The following SAMTOR variants were observed in gnomAD, a reference collection of about 807,000 sequenced individuals.
SAMTOR encodes the protein S-adenosylmethionine sensor upstream of mTORC1, also known as UPF0532 protein C7orf60.
At chr7:112,860,540 C>T in the SAMTOR span, among the ~76,000 whole-genome samples, 3 of 152,220 alleles carry the variant, frequency 2.0e-5, no homozygotes, top group African/African-American at 7.2e-5. Context: ...TAAACTAAGT[C>T]TCACAAAGGA....
chr7:112,887,918 A>G, the SAMTOR span, among the ~76,000 whole-genome samples: 1 of 151,336 alleles, frequency 6.6e-6, no homozygotes, highest in African/African-American at 2.4e-5. Context: ...GATTTTCTCT[A>G]TTGTTTTTCT....
the SAMTOR span, among the ~76,000 whole-genome samples, chr7:112,917,955 A>G: frequency 6.6e-6 from 1 of 152,352 alleles, no homozygotes; most frequent in East Asian, 1.9e-4. Flanking sequence ...ATGTGAAAAG[A>G]CCAAATCTAT....
chr7:112,932,068 G>C, the SAMTOR span, among the ~76,000 whole-genome samples: 1 of 151,948 alleles, frequency 6.6e-6, no homozygotes. Flanking sequence ...TGGGACTACA[G>C]GCACATGCCA....
the SAMTOR span, among the ~76,000 whole-genome samples, chr7:112,862,984 A>G: frequency 1.3e-5 from 2 of 152,006 alleles, no homozygotes; most frequent in African/African-American, 4.8e-5. Context: ...CTCAGCCACT[A>G]TGACAGCTGA....
the SAMTOR span, among the ~76,000 whole-genome samples, chr7:112,904,103 G>A: frequency 6.6e-6 from 1 of 152,050 alleles, no homozygotes; most frequent in Non-Finnish European, 1.5e-5. Context: ...TGAGATGTAT[G>A]GAGAAACAGA....
chr7:112,847,700 C>T, the SAMTOR span, among the ~76,000 whole-genome samples: 4 of 152,110 alleles, frequency 2.6e-5, no homozygotes, highest in East Asian at 1.9e-4. Flanking sequence ...ATTGCTTGAA[C>T]GCGGGAGGCG....
At chr7:112,850,221 A>C in the SAMTOR span, among the ~76,000 whole-genome samples, 12 of 152,004 alleles carry the variant, frequency 7.9e-5, no homozygotes, top group African/African-American at 1.7e-4. Flanking sequence ...ACAACAACAA[A>C]AAAAACCATC....
At chr7:112,897,050 G>A in the SAMTOR span, among the ~76,000 whole-genome samples, 1 of 152,092 alleles carries the variant, frequency 6.6e-6, no homozygotes, top group African/African-American at 2.4e-5. Context: ...AAAGAGGAAG[G>A]AGAGCCAAGG....
chr7:112,883,095 T>C, the SAMTOR span, among the ~76,000 whole-genome samples: 6 of 152,210 alleles, frequency 3.9e-5, no homozygotes, highest in African/African-American at 1.4e-4. Flanking sequence ...ATATGTCCAA[T>C]ATTTTATATC....
chr7:112,836,906 G>T, the SAMTOR span, among the ~76,000 whole-genome samples: 3 of 152,076 alleles, frequency 2.0e-5, no homozygotes, highest in African/African-American at 4.8e-5. Context: ...TTTTTGCTTA[G>T]AATTGCCTTG....
At chr7:112,900,552 A>T in the SAMTOR span, among the ~76,000 whole-genome samples, 1 of 152,242 alleles carries the variant, frequency 6.6e-6, no homozygotes, top group South Asian at 2.1e-4. Flanking sequence ...AGTTGTGAAT[A>T]ATATTCCATA....
the SAMTOR span, among the ~76,000 whole-genome samples, chr7:112,917,507 G>A: frequency 9.9e-5 from 15 of 152,266 alleles, no homozygotes; most frequent in African/African-American, 1.9e-4. Flanking sequence ...AAAAAACAGA[G>A]CAGAAAAACT....
the SAMTOR span, among the ~76,000 whole-genome samples, chr7:112,932,603 T>C: frequency 6.6e-6 from 1 of 152,162 alleles, no homozygotes; most frequent in African/African-American, 2.4e-5. Flanking sequence ...AAGGCAGAGT[T>C]TTACTCAAGA....
At chr7:112,887,207 T>C in the SAMTOR span, among the ~76,000 whole-genome samples, 1 of 151,012 alleles carries the variant, frequency 6.6e-6, no homozygotes, top group Non-Finnish European at 1.5e-5. Context: ...TAAGATCATA[T>C]TATTCGTTTT....
the SAMTOR span, among the ~76,000 whole-genome samples, chr7:112,887,085 G>A: frequency 6.6e-6 from 1 of 151,968 alleles, no homozygotes; most frequent in African/African-American, 2.4e-5. Flanking sequence ...AGAATTGCTT[G>A]AACCAGGACC....
At chr7:112,886,785 A>G in the SAMTOR span, among the ~76,000 whole-genome samples, 149,178 of 152,288 alleles carry the variant, frequency 0.98, 73,125 homozygotes, top group East Asian at 1. Context: ...CCCTGCCCCC[A>G]CACAGAGGCA....
the SAMTOR span, among the ~76,000 whole-genome samples, chr7:112,850,819 A>G: frequency 1.3e-5 from 2 of 152,192 alleles, no homozygotes; most frequent in Non-Finnish European, 2.9e-5. Flanking sequence ...TAATCCAGCT[A>G]GCAGTCTATC....
chr7:112,821,866 C>T, the SAMTOR span: 1 of 1,613,566 alleles, frequency 6.2e-7, no homozygotes, highest in Non-Finnish European at 8.5e-7. Context: ...GCTAGTTGTT[C>T]ATCTTCTATA....
the SAMTOR span, among the ~76,000 whole-genome samples, chr7:112,854,050 T>C: frequency 6.6e-6 from 1 of 152,092 alleles, no homozygotes; most frequent in Non-Finnish European, 1.5e-5. Flanking sequence ...TTGGGGCTGT[T>C]AGATGAGAAG....
Sources: gnomAD v4.1 joint callset for allele counts (sites outside exome capture counted in the v4.1 genomes callset) on GRCh38, gnomAD v4.1.1 for gene constraint, MANE v1.5 for transcripts, NCBI Gene and HGNC (gene_info 2026-07-23, HGNC 2026-07-21) for gene names.